The following MYRIP variants were observed in gnomAD, a reference collection of about 807,000 sequenced individuals.
MYRIP encodes rab effector MyRIP.
A neutral mutation model predicts 98.0 loss-of-function variants in MYRIP; 49 were observed. The ratio of observed to expected loss-of-function variants is 0.50; its 90% CI spans 0.40 to 0.63. The LOEUF (loss-of-function observed/expected upper bound fraction) is 0.63. Among genes scored for constraint, MYRIP ranks in the 30% least tolerant of loss-of-function variants. The pLI, the probability that MYRIP is intolerant of heterozygous loss-of-function variation, is 0.00. For missense variants in MYRIP, 1,004 were observed against 1,058.2 expected, an observed-to-expected ratio of 0.95 and a Z score of 0.71; for synonymous variants, 404 against 409.5, an observed-to-expected ratio of 0.99 and a Z score of 0.16.
intron 2 of MYRIP, among the ~76,000 whole-genome samples, chr3:39,944,859 G>T (rs1944863177): frequency 6.6e-6 from 1 of 151,984 alleles, no homozygotes; most frequent in African/African-American, 2.4e-5. Flanking sequence ...GGTACCAAGA[G>T]AAATATTCAT....
intron 2 of MYRIP, among the ~76,000 whole-genome samples, chr3:40,035,078 TG>T (rs954724595): frequency 3.5e-5 from 2 of 57,372 alleles, no homozygotes; most frequent in African/African-American, 7.2e-5. Flanking sequence ...TGTTATGGGG[TG>T]GGGGGAGGGG....
intron 2 of MYRIP, among the ~76,000 whole-genome samples, chr3:40,042,039 A>G (rs1172589208): frequency 8.1e-6 from 1 of 123,192 alleles, no homozygotes; most frequent in Admixed American, 9.1e-5. Flanking sequence ...AAAGTTACCA[A>G]TAAAACAAAA....
chr3:40,200,024 G>A (rs1951507889), intron 10 of MYRIP, among the ~76,000 whole-genome samples: 1 of 151,222 alleles, frequency 6.6e-6, no homozygotes, highest in Admixed American at 6.6e-5. Context: ...TGATTCCCCT[G>A]GAGAAAAAGA....
At chr3:39,884,871 A>C (rs2125649312) in intron 1 of MYRIP, among the ~76,000 whole-genome samples, 1 of 150,554 alleles carries the variant, frequency 6.6e-6, no homozygotes, top group African/African-American at 2.4e-5. Flanking sequence ...TAGAGGTGGA[A>C]CCACTAAAAA....
intron 1 of MYRIP, among the ~76,000 whole-genome samples, chr3:39,879,628 T>C (rs1003329349): frequency 6.6e-6 from 1 of 152,232 alleles, no homozygotes; most frequent in Non-Finnish European, 1.5e-5. Flanking sequence ...TAGTGTGTAC[T>C]CATAAAATGT....
intron 3 of MYRIP, among the ~76,000 whole-genome samples, chr3:40,143,976 C>T (rs142878682): frequency 6.6e-5 from 10 of 152,260 alleles, no homozygotes; most frequent in East Asian, 1.9e-4. Context: ...TAAAATATTT[C>T]GGAATGCTAT....
intron 3 of MYRIP, among the ~76,000 whole-genome samples, chr3:40,142,503 C>T (rs1280815558): frequency 6.6e-6 from 1 of 152,092 alleles, no homozygotes; most frequent in Non-Finnish European, 1.5e-5. Context: ...GGCTTCATCA[C>T]CCAGGCTGGA....
intron 1 of MYRIP, among the ~76,000 whole-genome samples, chr3:39,825,409 T>C (rs1941232561): frequency 6.6e-6 from 1 of 152,214 alleles, no homozygotes; most frequent in African/African-American, 2.4e-5. Context: ...GAAGGGATGT[T>C]GGATTTCATT....
At chr3:40,168,074 C>G (rs983414941) in intron 7 of MYRIP, among the ~76,000 whole-genome samples, 1 of 152,230 alleles carries the variant, frequency 6.6e-6, no homozygotes, top group South Asian at 2.1e-4. Context: ...GCTCCCAGCC[C>G]TCTAATCATG....
intron 1 of MYRIP, among the ~76,000 whole-genome samples, chr3:39,879,626 A>G (rs763562593): frequency 2.8e-4 from 42 of 152,178 alleles, no homozygotes; most frequent in Non-Finnish European, 4.7e-4. Flanking sequence ...CATAGTGTGT[A>G]CTCATAAAAT....
chr3:40,092,803 T>C (rs1267307229), intron 3 of MYRIP, among the ~76,000 whole-genome samples: 1 of 152,164 alleles, frequency 6.6e-6, no homozygotes, highest in Non-Finnish European at 1.5e-5. Context: ...TCCAAAATAT[T>C]TCCACCATCT....
chr3:40,184,839 G>A (rs1950984505), intron 9 of MYRIP, among the ~76,000 whole-genome samples: 1 of 152,212 alleles, frequency 6.6e-6, no homozygotes, highest in South Asian at 2.1e-4. Context: ...TAGTTCCACA[G>A]CATCACACAC....
At chr3:40,013,767 T>C (rs1191477338) in intron 2 of MYRIP, among the ~76,000 whole-genome samples, 1 of 152,200 alleles carries the variant, frequency 6.6e-6, no homozygotes. Context: ...TGCAACTAAA[T>C]GGAATCAGCA....
intron 1 of MYRIP, among the ~76,000 whole-genome samples, chr3:39,869,960 GGAA>G (rs1942735960): frequency 6.6e-6 from 1 of 152,178 alleles, no homozygotes; most frequent in Non-Finnish European, 1.5e-5. Context: ...ACTTGGTCAG[GGAA>G]GTTTTTTAGT....
chr3:40,182,107 C>T (rs1950895480), intron 8 of MYRIP, 113 bp from the exon 9 acceptor site: 2 of 1,171,136 alleles, frequency 1.7e-6, no homozygotes, highest in Admixed American at 5.3e-5. Flanking sequence ...AGAGCCATTA[C>T]CATTAAACAT....
At chr3:40,089,603 C>G (rs958141302) in intron 3 of MYRIP, among the ~76,000 whole-genome samples, 3 of 152,114 alleles carry the variant, frequency 2.0e-5, no homozygotes, top group Non-Finnish European at 4.4e-5. Flanking sequence ...AAAAAATTAA[C>G]TCAAGTAATA....
chr3:40,091,203 T>C (rs1417049622), intron 3 of MYRIP, among the ~76,000 whole-genome samples: 1 of 151,838 alleles, frequency 6.6e-6, no homozygotes, highest in Non-Finnish European at 1.5e-5. Context: ...ACTGAAGGGG[T>C]CAACTATTAA....
chr3:39,880,037 T>C (rs1017239715), intron 1 of MYRIP, among the ~76,000 whole-genome samples: 1 of 151,892 alleles, frequency 6.6e-6, no homozygotes, highest in South Asian at 2.1e-4. Flanking sequence ...TGGTTCCCCT[T>C]TTTATTATTA....
At chr3:39,883,043 A>AT (rs1304495469) in intron 1 of MYRIP, among the ~76,000 whole-genome samples, 13 of 152,212 alleles carry the variant, frequency 8.5e-5, no homozygotes, top group Non-Finnish European at 1.6e-4. Context: ...GCCAGAGCCC[A>AT]TTATGGGGCA....
Sources: gnomAD v4.1 joint callset for allele counts (sites outside exome capture counted in the v4.1 genomes callset) on GRCh38, gnomAD v4.1.1 for gene constraint, MANE v1.5 for transcripts, NCBI Gene and HGNC (gene_info 2026-07-23, HGNC 2026-07-21) for gene names.